CDH18: variants seen among roughly 807,000 people sequenced by gnomAD.
The protein encoded by CDH18 is cadherin 18.
In CDH18, 31 loss-of-function variants were observed where a neutral mutation model predicts 67.9. The observed-to-expected ratio is 0.46, with a 90% CI of 0.34 to 0.62. The LOEUF is 0.62. CDH18 is among the 20% of genes least tolerant of loss of function. The pLI, the probability that CDH18 is intolerant of heterozygous loss-of-function variation, is 0.01. For missense variants in CDH18, 890 were observed against 975.5 expected, an observed-to-expected ratio of 0.91 and a Z score of 1.17; for synonymous variants, 362 against 347.2, an observed-to-expected ratio of 1.04 and a Z score of -0.48.
intron 2 of CDH18, among the ~76,000 whole-genome samples, chr5:20,147,300 C>A (rs991195300): frequency 1.9e-4 from 29 of 152,062 alleles, no homozygotes; most frequent in African/African-American, 6.7e-4. Context: ...CATAAGCAAA[C>A]AAACAAATAT....
chr5:20,404,729 G>A (rs958324740), intron 1 of CDH18, among the ~76,000 whole-genome samples: 1 of 152,092 alleles, frequency 6.6e-6, no homozygotes, highest in Non-Finnish European at 1.5e-5. Context: ...TGGGAGAATT[G>A]CCAAACGTGA....
intron 2 of CDH18, among the ~76,000 whole-genome samples, chr5:20,229,704 A>AT (rs1367879433): frequency 9.9e-5 from 15 of 151,632 alleles, no homozygotes; most frequent in South Asian, 4.2e-4. Context: ...AATTCCATAT[A>AT]TTTTTTTTAA....
At chr5:19,547,140 C>T (rs1736471389) in intron 8 of CDH18, among the ~76,000 whole-genome samples, 1 of 152,090 alleles carries the variant, frequency 6.6e-6, no homozygotes, top group Non-Finnish European at 1.5e-5. Context: ...CTTCTTATAA[C>T]ATCCCTTTCC....
intron 1 of CDH18, among the ~76,000 whole-genome samples, chr5:20,360,396 T>C (rs1741994108): frequency 6.6e-6 from 1 of 152,156 alleles, no homozygotes; most frequent in South Asian, 2.1e-4. Flanking sequence ...TAACTGGGAA[T>C]CCTGCCCTAA....
At chr5:19,817,752 A>C (rs1347543491) in intron 3 of CDH18, among the ~76,000 whole-genome samples, 1 of 152,034 alleles carries the variant, frequency 6.6e-6, no homozygotes, top group Admixed American at 6.6e-5. Context: ...CAAGACATGT[A>C]TGATATATTT....
chr5:20,376,171 G>A lies in CDH18; in HGVS notation c.-579-120666C>T, dbSNP rs1743418102. ...TGCGGTGGCGCGATCTCGGCTCACTGCAGGCTCCGCCTCCCGGGTTCACGC... is the reference window on the plus strand; with the variant it reads ...TGCGGTGGCGCGATCTCGGCTCACTACAGGCTCCGCCTCCCGGGTTCACGC... On this transcript the variant is annotated intron_variant, in intron 1 of 14. Transcript: ENST00000507958. Among the ~76,000 whole-genome samples the A allele has an allele frequency of 2.1e-5, 3 of 141,488 alleles. No homozygotes were observed. In the Admixed American group the frequency reaches 2.2e-4, roughly 11 times the overall value. The allele number at this position is 141,488 out of a possible 152,430, so 92.8% of individuals were successfully genotyped here.
At chr5:19,898,102 G>C (rs966279511) in intron 2 of CDH18, among the ~76,000 whole-genome samples, 3 of 152,036 alleles carry the variant, frequency 2.0e-5, no homozygotes, top group Admixed American at 6.6e-5. Context: ...ATACTAAAGA[G>C]ATTGCAATGC....
chr5:20,284,917 C>G (rs1483846413), intron 1 of CDH18, among the ~76,000 whole-genome samples: 1 of 151,670 alleles, frequency 6.6e-6, no homozygotes, highest in Non-Finnish European at 1.5e-5. Flanking sequence ...TAATGTTGTA[C>G]TATAATTCAA....
In CDH18 at chr5:20,359,325, A is replaced by G. The variant is rs1001977914; in HGVS notation, c.-579-103820T>C. The stretch of plus-strand genomic sequence containing the variant: ...AATAAAAATATAAAGTTTGTAAAAT[A>G]AGAGTTGTTGCTAATAATGAAGCAA... On this transcript the variant is annotated intron_variant, in intron 1 of 14. Transcript: ENST00000507958. Among the ~76,000 whole-genome samples, 14 of 152,328 alleles carry G rather than the reference A, an allele frequency of 9.2e-5. No individual in the cohort carries two copies. In the South Asian group the frequency reaches 1.5e-3, roughly 16 times the overall value.
intron 2 of CDH18, among the ~76,000 whole-genome samples, chr5:19,882,542 T>A (rs1242967458): frequency 1.3e-5 from 2 of 152,048 alleles, no homozygotes; most frequent in African/African-American, 4.8e-5. Flanking sequence ...AAAATAATAG[T>A]TTGGACTATT....
chr5:19,593,423 A>G lies in CDH18; in HGVS notation c.812-2179T>C, dbSNP rs1177013393. On this transcript the variant is annotated intron_variant, in intron 6 of 12. Transcript: ENST00000382275. ...TTGCATTTCCATGATGACTGGTGAC[A>G]TTGAGCATCTTTATACGTACCTATT... 2.6e-5 allele frequency among the ~76,000 whole-genome samples: 4 copies of G among 152,080 alleles called. No individual in the cohort carries two copies. The East Asian group carries it at 7.7e-4, about 29-fold the overall frequency.
chr5:19,797,228 G>C (rs1034198928), intron 3 of CDH18, among the ~76,000 whole-genome samples: 2 of 151,756 alleles, frequency 1.3e-5, no homozygotes, highest in Admixed American at 1.3e-4. Flanking sequence ...TTTTATAAAA[G>C]TAGGAATGAT....
At chr5:20,269,536 A>G (rs1279915404) in intron 1 of CDH18, among the ~76,000 whole-genome samples, 1 of 152,180 alleles carries the variant, frequency 6.6e-6, no homozygotes, top group Non-Finnish European at 1.5e-5. Flanking sequence ...GATACTATTC[A>G]GCAATGGAAA....
intron 1 of CDH18, among the ~76,000 whole-genome samples, chr5:20,335,986 T>G (rs1015915880): frequency 6.6e-6 from 1 of 152,200 alleles, no homozygotes; most frequent in African/African-American, 2.4e-5. Context: ...AAATTTTTTG[T>G]AATTAAAATA....
chr5:19,481,912 A>T (rs1300642741), intron 12 of CDH18, among the ~76,000 whole-genome samples: 1 of 152,200 alleles, frequency 6.6e-6, no homozygotes, highest in Non-Finnish European at 1.5e-5. Flanking sequence ...AAGCAGAAAG[A>T]TTCCTTACAT....
chr5:19,840,318 T>C lies in CDH18; in HGVS notation c.-256-1076A>G, dbSNP rs574123411. 2.8e-5 allele frequency among the ~76,000 whole-genome samples: 4 copies of C among 144,680 alleles called. No individual in the cohort carries two copies. In the South Asian group the frequency reaches 8.8e-4, roughly 32 times the overall value. The allele number at this position is 144,680 out of a possible 152,430, so 94.9% of individuals were successfully genotyped here. A position where few individuals can be genotyped will look rare whatever the true frequency, so the allele number is the denominator to read the frequency against. ...AAAAAAAAACAACACGTTGAAGACA[T>C]GAGTGTAGGTTATACTATGATTGGG... is the stretch of plus-strand genomic sequence containing the variant. On this transcript the variant is annotated intron_variant, in intron 2 of 12. Coordinates refer to ENST00000382275, the MANE Select transcript of CDH18 (RefSeq NM_004934.5).
At chr5:19,962,395 A>AAAAAAAAAAAAAT (rs58319680) in intron 2 of CDH18, among the ~76,000 whole-genome samples, 1,747 of 116,654 alleles carry the variant, frequency 0.015, 14 homozygotes, top group East Asian at 0.02. Flanking sequence ...AAAAAAAAAA[A>AAAAAAAAAAAAAT]AGAAAATTCA....
At chr5:20,025,450 GT>G (rs1286262261) in intron 2 of CDH18, among the ~76,000 whole-genome samples, 1 of 151,828 alleles carries the variant, frequency 6.6e-6, no homozygotes, top group Non-Finnish European at 1.5e-5. Flanking sequence ...TAATTCTACT[GT>G]TTTTTTATAC....
chr5:19,600,526 A>G (rs1444580739), intron 6 of CDH18, among the ~76,000 whole-genome samples: 1 of 149,938 alleles, frequency 6.7e-6, no homozygotes, highest in Non-Finnish European at 1.5e-5. Context: ...TTATTTTTTC[A>G]TACTAGATAC....
Sources: allele counts gnomAD v4.1 joint callset (sites outside exome capture counted in the v4.1 genomes callset), GRCh38; gene constraint gnomAD v4.1.1; transcripts MANE v1.5; gene names NCBI Gene and HGNC (gene_info 2026-07-23, HGNC 2026-07-21).